BGN: variants seen among roughly 807,000 people sequenced by gnomAD.
The protein encoded by BGN is biglycan, also known as bone/cartilage proteoglycan-I.
Under a neutral mutation model 20.0 loss-of-function variants are expected in BGN, and 6 were observed. The observed-to-expected ratio is 0.30, with a 90% CI of 0.16 to 0.59. The LOEUF is 0.59. BGN is among the 20% of genes least tolerant of loss of function. BGN has a pLI of 0.88. For missense variants in BGN, 292 were observed against 312.1 expected, an observed-to-expected ratio of 0.94 and a Z score of 0.49; for synonymous variants, 146 against 134.6, an observed-to-expected ratio of 1.08 and a Z score of -0.59.
chrX:153,498,097 G>A (rs1204559340), intron 1 of BGN, among the ~76,000 whole-genome samples: 1 of 112,645 alleles, frequency 8.9e-6, no homozygotes, highest in Non-Finnish European at 1.9e-5. Context: ...TTCCCATGAG[G>A]CTCATCTCTG....
chrX:153,507,087 G>A lies in BGN; in HGVS notation c.811G>A (p.Gly271Arg), dbSNP rs1372988403. 18 of 1,207,254 alleles carry A rather than the reference G, an allele frequency of 1.5e-5. No homozygotes were observed. Among genetic ancestry groups the A allele is most frequent in the South Asian group, 5.3e-5 (3 of 56,351 alleles). Residue 271 changes from glycine to arginine, a missense_variant, in exon 7 of 8, where the codon GGG (glycine) becomes AGG (arginine). Coordinates refer to ENST00000331595, the MANE Select transcript of BGN (RefSeq NM_001711.6). ...CAACCAGATCAGGATGATCGAGAAC[G>A]GGAGCCTGAGCTTCCTGCCCACCCT... is the stretch of plus-strand genomic sequence containing the variant. ...GHNQIRMIEN[G>R]SLSFLPTLRE...
intron 1 of BGN, among the ~76,000 whole-genome samples, chrX:153,498,148 G>T (rs1556991139): frequency 8.9e-6 from 1 of 112,809 alleles, no homozygotes; most frequent in African/African-American, 3.2e-5. Context: ...TTCTTGCATG[G>T]AACTCTCCTG....
In BGN at chrX:153,504,552, A is replaced by G. The variant is rs919871758; in HGVS notation, c.-11-69A>G. On this transcript the variant is annotated intron_variant, in intron 1 of 7. Coordinates refer to ENST00000331595, the MANE Select transcript of BGN (RefSeq NM_001711.6). The stretch of plus-strand genomic sequence containing the variant: ...AACGCAGTGCCACCACACACGCGGA[A>G]CACCAGCCCCTGGCATGGAGAAGAC... 8 of 926,790 alleles carry G rather than the reference A, an allele frequency of 8.6e-6. No homozygotes were observed. The African/African-American group carries it at 1.4e-4, about 16-fold the overall frequency. 76.4% of individuals were successfully genotyped at this position (926,790 alleles called of 1,213,427 possible).
intron 2 of BGN, 114 bp downstream of exon 2, chrX:153,504,983 A>G: frequency 1.2e-6 from 1 of 844,202 alleles, no homozygotes; most frequent in Non-Finnish European, 1.7e-6. Context: ...AGCATGATGT[A>G]AGTGTAGGAG....
At chrX:153,496,542 C>T (rs1437030991) in intron 1 of BGN, among the ~76,000 whole-genome samples, 1 of 112,358 alleles carries the variant, frequency 8.9e-6, no homozygotes, top group Non-Finnish European at 1.9e-5. Flanking sequence ...CAGGGCTGGG[C>T]GGTGGGAGCA....
In BGN at chrX:153,506,826, G is replaced by A. The variant is rs782203269; in HGVS notation, c.677-4G>A. 1 of 1,210,039 alleles carries A rather than the reference G, an allele frequency of 8.3e-7. No individual in the cohort carries two copies. Among genetic ancestry groups the A allele is most frequent in the Middle Eastern group, 2.3e-4 (1 of 4,351 alleles). Reference sequence around the variant, plus strand: ...TTCTCCCCTGTGCCCTCTTCTCCTGGCAGACCTCCCTGAGACCCTGAATGA... The same window carrying A: ...TTCTCCCCTGTGCCCTCTTCTCCTGACAGACCTCCCTGAGACCCTGAATGA... On this transcript the variant is annotated splice_region_variant and splice_polypyrimidine_tract_variant and intron_variant, in intron 5 of 7. Transcript: ENST00000331595.
chrX:153,502,642 G>A (rs1310189315), intron 1 of BGN, among the ~76,000 whole-genome samples: 1 of 113,141 alleles, frequency 8.8e-6, no homozygotes, highest in Non-Finnish European at 1.9e-5. Flanking sequence ...CTGCTGGGCC[G>A]GCCTGAGGCT....
At chrX:153,501,365 A>C (rs2089759803) in intron 1 of BGN, among the ~76,000 whole-genome samples, 1 of 112,792 alleles carries the variant, frequency 8.9e-6, no homozygotes, top group African/African-American at 3.2e-5. Flanking sequence ...TCAGGCTCTC[A>C]CAGGCCCAGA....
intron 1 of BGN, among the ~76,000 whole-genome samples, chrX:153,498,734 G>C (rs781912318): frequency 3.9e-4 from 44 of 112,522 alleles, no homozygotes; most frequent in African/African-American, 1.4e-3. Context: ...GGGCCCTGAA[G>C]TGCTCGCCTG....
At chrX:153,497,592 C>T (rs1174740574) in intron 1 of BGN, among the ~76,000 whole-genome samples, 1 of 112,164 alleles carries the variant, frequency 8.9e-6, no homozygotes, top group Admixed American at 9.3e-5. Flanking sequence ...GTGGGGAGGG[C>T]GCATGGCTCA....
intron 1 of BGN, among the ~76,000 whole-genome samples, chrX:153,498,086 A>G (rs1252524456): frequency 1.8e-5 from 2 of 112,492 alleles, no homozygotes; most frequent in South Asian, 3.7e-4. Flanking sequence ...GGTGCTGCCC[A>G]TTCCCATGAG....
At position 153,506,810 on chromosome X, in the gene BGN, G is replaced by C; in HGVS notation, c.677-20G>C. On this transcript the variant is annotated intron_variant, in intron 5 of 7. Coordinates refer to ENST00000331595, the MANE Select transcript of BGN (RefSeq NM_001711.6). ...GCCCTCAGCACCTGCATTCTCCCCT[G>C]TGCCCTCTTCTCCTGGCAGACCTCC... is the stretch of plus-strand genomic sequence containing the variant. The C allele has an allele frequency of 8.3e-7, 1 of 1,203,519 alleles. No individual in the cohort carries two copies. Among genetic ancestry groups the C allele is most frequent in the Non-Finnish European group, 1.1e-6 (1 of 888,262 alleles).
chrX:153,501,088 T>C (rs1412548439), intron 1 of BGN, among the ~76,000 whole-genome samples: 1 of 111,636 alleles, frequency 9.0e-6, no homozygotes, highest in Non-Finnish European at 1.9e-5. Context: ...GTGTTTTGTA[T>C]AGGTGTGTGC....
chrX:153,497,302 C>T (rs1475285153), intron 1 of BGN, among the ~76,000 whole-genome samples: 1 of 108,659 alleles, frequency 9.2e-6, no homozygotes, highest in African/African-American at 3.4e-5. Flanking sequence ...TTGCTCACAC[C>T]GAGGGGCTGG....
At chrX:153,498,999 G>A (rs1377754805) in intron 1 of BGN, among the ~76,000 whole-genome samples, 1 of 112,180 alleles carries the variant, frequency 8.9e-6, no homozygotes, top group Non-Finnish European at 1.9e-5. Flanking sequence ...CAGACATGGG[G>A]GCAAGGACAC....
At chrX:153,500,492 T>A (rs2089748987) in intron 1 of BGN, among the ~76,000 whole-genome samples, 1 of 111,944 alleles carries the variant, frequency 8.9e-6, no homozygotes, top group South Asian at 3.7e-4. Context: ...TGGAGGGACT[T>A]GCTGTGGGTC....
chrX:153,503,115 C>A (rs782320736), intron 1 of BGN, among the ~76,000 whole-genome samples: 282 of 113,028 alleles, frequency 2.5e-3, no homozygotes, highest in African/African-American at 8.2e-3. Context: ...CTCAGGCCCC[C>A]GGCCCGCTGG....
chrX:153,502,376 G>A (rs2089766814), intron 1 of BGN, among the ~76,000 whole-genome samples: 1 of 111,733 alleles, frequency 8.9e-6, no homozygotes, highest in Non-Finnish European at 1.9e-5. Flanking sequence ...GGAGGGGCAG[G>A]GCAGTCTCCT....
intron 1 of BGN, among the ~76,000 whole-genome samples, chrX:153,501,979 C>T (rs2089763937): frequency 8.9e-6 from 1 of 112,428 alleles, no homozygotes; most frequent in Admixed American, 9.3e-5. Flanking sequence ...CCTGAGACCC[C>T]GATGGCCAGT....
Sources: allele counts gnomAD v4.1 joint callset (sites outside exome capture counted in the v4.1 genomes callset), GRCh38; gene constraint gnomAD v4.1.1; transcripts MANE v1.5; gene names NCBI Gene and HGNC (gene_info 2026-07-23, HGNC 2026-07-21).